The following MAGI2 variants were observed in gnomAD, a reference collection of about 807,000 sequenced individuals.
The protein encoded by MAGI2 is membrane-associated guanylate kinase, WW and PDZ domain-containing protein 2.
In MAGI2, 35 loss-of-function variants were observed where a neutral mutation model predicts 133.3. The ratio of observed to expected loss-of-function variants is 0.26; its 90% confidence interval spans 0.20 to 0.35. The LOEUF (loss-of-function observed/expected upper bound fraction) is 0.35, where lower values mean the gene tolerates loss of function less well. Ranked by LOEUF, MAGI2 falls within the 10% of genes least tolerant of loss-of-function variation. MAGI2 has a pLI of 1.00. For missense variants in MAGI2, 1,636 were observed against 1,863.4 expected (o/e 0.88, Z 2.25); for synonymous variants, 729 against 710.6 (o/e 1.03, Z -0.41).
At chr7:78,527,551 A>G (rs990070069) in intron 3 of MAGI2, among the ~76,000 whole-genome samples, 1 of 152,224 alleles carries the variant, frequency 6.6e-6, no homozygotes, top group Non-Finnish European at 1.5e-5. Flanking sequence ...AATAGATATC[A>G]AAATATTATT....
At chr7:78,940,478 T>C (rs1800880560) in intron 2 of MAGI2, 1 of 152,160 alleles carries the variant, frequency 6.6e-6, no homozygotes, top group Non-Finnish European at 1.5e-5. Flanking sequence ...ACTGTCATAT[T>C]GGAACGGAGA....
intron 1 of MAGI2, chr7:79,008,746 T>C (rs1807733758): frequency 6.6e-6 from 1 of 152,158 alleles, no homozygotes; most frequent in South Asian, 2.1e-4. Context: ...CATTACACAA[T>C]TGCAACAATT....
intron 1 of MAGI2, among the ~76,000 whole-genome samples, chr7:79,113,781 T>A (rs1347148430): frequency 6.6e-6 from 1 of 150,990 alleles, no homozygotes; most frequent in Non-Finnish European, 1.5e-5. Context: ...AGGGCAGTGC[T>A]AATAATAATC....
chr7:78,562,030 T>C (rs1263822434), intron 3 of MAGI2, among the ~76,000 whole-genome samples: 1 of 152,096 alleles, frequency 6.6e-6, no homozygotes, highest in Non-Finnish European at 1.5e-5. Flanking sequence ...ATGAAGTTTG[T>C]GAAAGATTCA....
At chr7:78,128,363 T>G (rs1174555174) in intron 18 of MAGI2, among the ~76,000 whole-genome samples, 1 of 152,216 alleles carries the variant, frequency 6.6e-6, no homozygotes, top group African/African-American at 2.4e-5. Context: ...CTGTTGTTCA[T>G]TGCCTATTGC....
At chr7:79,208,463 A>G (rs1829243657) in intron 1 of MAGI2, among the ~76,000 whole-genome samples, 1 of 152,012 alleles carries the variant, frequency 6.6e-6, no homozygotes. Context: ...TCATCACGAC[A>G]CAAATGCAAA....
At position 79,453,280 on chromosome 7, in the gene MAGI2, T is replaced by G. The variant is rs139186290; in HGVS notation, c.41A>C (p.Lys14Thr). The G allele has an allele frequency of 1.1e-5, 18 of 1,613,728 alleles. No individual in the cohort carries two copies. Among genetic ancestry groups the G allele is most frequent in the Non-Finnish European group, 1.5e-5 (18 of 1,179,918 alleles). ...SLKKKSHWTS[K>T]VHESVIGRNP... ...CCTGCCAATGACACTCTCATGGACT[T>G]TGCTAGTCCAGTGGCTTTTCTTTTT... Residue 14 changes from lysine (K) to threonine (T), a missense_variant, in exon 1 of 22, where the codon AAA becomes ACA. Physicochemically the swap from Lys to Thr is moderately conservative, Grantham distance 78. Transcript: ENST00000354212.
At chr7:78,695,539 G>A (rs907817176) in intron 2 of MAGI2, among the ~76,000 whole-genome samples, 1 of 152,088 alleles carries the variant, frequency 6.6e-6, no homozygotes, top group Non-Finnish European at 1.5e-5. Flanking sequence ...TTCTTTCAAT[G>A]TAGTCATATT....
At chr7:78,883,978 T>G (rs1052521072) in intron 2 of MAGI2, among the ~76,000 whole-genome samples, 1 of 152,110 alleles carries the variant, frequency 6.6e-6, no homozygotes, top group Non-Finnish European at 1.5e-5. Context: ...TCAAAAGCAA[T>G]TGCAACAAAA....
chr7:78,584,421 GAAAA>G (rs57844382), intron 3 of MAGI2, among the ~76,000 whole-genome samples: 1,650 of 83,516 alleles, frequency 0.02, 1 homozygote, highest in Middle Eastern at 0.031. Flanking sequence ...CTCCGTCTCA[GAAAA>G]AAAAAAAAAA....
chr7:79,196,289 C>A (rs1429848747), intron 1 of MAGI2, among the ~76,000 whole-genome samples: 1 of 151,666 alleles, frequency 6.6e-6, no homozygotes, highest in Non-Finnish European at 1.5e-5. Flanking sequence ...AAAAGTTATA[C>A]AAATATTCTT....
chr7:78,848,852 T>C (rs10244943), intron 2 of MAGI2, among the ~76,000 whole-genome samples: 3,095 of 152,166 alleles, frequency 0.02, 95 homozygotes, highest in African/African-American at 0.07. Flanking sequence ...TTCTCTTATC[T>C]CTTATCACCT....
At chr7:78,892,985 CAG>C (rs1308838574) in intron 2 of MAGI2, among the ~76,000 whole-genome samples, 1 of 152,142 alleles carries the variant, frequency 6.6e-6, no homozygotes, top group African/African-American at 2.4e-5. Flanking sequence ...ACTCATCTGA[CAG>C]AGGGCTAATA....
chr7:78,834,552 G>T (rs2151449409), intron 2 of MAGI2, among the ~76,000 whole-genome samples: 1 of 152,058 alleles, frequency 6.6e-6, no homozygotes, highest in African/African-American at 2.4e-5. Flanking sequence ...ATATTTCATT[G>T]TATAAATATA....
At chr7:78,859,624 G>C (rs1167558133) in intron 2 of MAGI2, among the ~76,000 whole-genome samples, 1 of 152,108 alleles carries the variant, frequency 6.6e-6, no homozygotes, top group African/African-American at 2.4e-5. Context: ...TTGTCCAATG[G>C]GCTTCCCTTT....
chr7:79,453,181 A>C lies in MAGI2; in HGVS notation c.140T>G (p.Val47Gly), dbSNP rs1440298775. The C allele has an allele frequency of 6.2e-7, 1 of 1,612,100 alleles. No homozygotes were observed. The highest frequency in any genetic ancestry group is 8.5e-7 in the Non-Finnish European group (1 of 1,179,364). Reference protein sequence around the residue: ...ENGQFPYLGEVKPGKVAYESG... With the variant: ...ENGQFPYLGEGKPGKVAYESG... ...CTCATAGGCCACCTTGCCGGGCTTC[A>C]CCTCCCCCAGGTAGGGGAACTGTCC... is the stretch of plus-strand genomic sequence containing the variant. The change falls in exon 1 of 22, where the codon GTG becomes GGG. Residue 47 changes from valine to glycine, a missense_variant. Val to Gly is a moderately radical substitution (Grantham distance 109, BLOSUM62 -3). Coordinates refer to ENST00000354212, the MANE Select transcript of MAGI2 (RefSeq NM_012301.4).
chr7:78,310,655 C>A (rs1462932022), intron 9 of MAGI2, among the ~76,000 whole-genome samples: 1 of 151,888 alleles, frequency 6.6e-6, no homozygotes, highest in African/African-American at 2.4e-5. Flanking sequence ...GGATCTGGAC[C>A]AAGGTGGGAA....
chr7:78,965,968 C>A (rs1346691262), intron 2 of MAGI2, among the ~76,000 whole-genome samples: 1 of 151,888 alleles, frequency 6.6e-6, no homozygotes, highest in East Asian at 1.9e-4. Flanking sequence ...GAAACTGAGG[C>A]CTCTAAAGTA....
intron 6 of MAGI2, among the ~76,000 whole-genome samples, chr7:78,412,807 A>G (rs1354195096): frequency 1.3e-5 from 2 of 152,132 alleles, no homozygotes; most frequent in East Asian, 1.9e-4. Context: ...AAATTGTTTT[A>G]TAAGACCTCC....
Sources: gnomAD v4.1 joint callset for allele counts (sites outside exome capture counted in the v4.1 genomes callset) on GRCh38, gnomAD v4.1.1 for gene constraint, MANE v1.5 for transcripts, NCBI Gene and HGNC (gene_info 2026-07-23, HGNC 2026-07-21) for gene names.